Variants in ITPR1 observed in about 807,000 individuals in gnomAD.
The protein encoded by ITPR1 is inositol 1,4,5-trisphosphate-gated calcium channel ITPR1.
In ITPR1, 96 loss-of-function variants were observed where a neutral mutation model predicts 318.4. The observed-to-expected ratio is 0.30, with a 90% CI of 0.26 to 0.36. The LOEUF (loss-of-function observed/expected upper bound fraction) is 0.36, where lower values mean the gene tolerates loss of function less well. Among genes scored for constraint, ITPR1 ranks in the 10% least tolerant of loss-of-function variants. The pLI is 1.00. For synonymous variants in ITPR1, 1,312 were observed against 1,289.9 expected (o/e 1.02, Z -0.37); for missense variants, 2,440 against 3,460.2 (o/e 0.71, Z 7.40).
At chr3:4,641,821 A>C (rs2093346058) in intron 6 of ITPR1, among the ~76,000 whole-genome samples, 1 of 152,240 alleles carries the variant, frequency 6.6e-6, no homozygotes. Flanking sequence ...TTATGATGGC[A>C]CAGTTGACCT....
chr3:4,814,207 C>T (rs1028098728), intron 57 of ITPR1: 23 of 570,806 alleles, frequency 4.0e-5, no homozygotes, highest in Non-Finnish European at 6.3e-5. Flanking sequence ...AGCAATACTA[C>T]CATAGCTGGA....
At chr3:4,502,861 C>T (rs1002070668) in intron 2 of ITPR1, among the ~76,000 whole-genome samples, 3 of 151,960 alleles carry the variant, frequency 2.0e-5, no homozygotes, top group African/African-American at 7.2e-5. Flanking sequence ...GTGGGTGGGT[C>T]ACCTGAGGTC....
intron 4 of ITPR1, among the ~76,000 whole-genome samples, chr3:4,591,355 G>A (rs2090383457): frequency 1.3e-5 from 2 of 152,164 alleles, no homozygotes; most frequent in African/African-American, 2.4e-5. Context: ...CAGTGTGTAA[G>A]GGTTCCCTTT....
chr3:4,593,721 G>A (rs2090575265), intron 4 of ITPR1, among the ~76,000 whole-genome samples: 1 of 152,200 alleles, frequency 6.6e-6, no homozygotes, highest in Non-Finnish European at 1.5e-5. Flanking sequence ...GACATGATCA[G>A]ATAAATGCTA....
At chr3:4,834,049 A>G (rs921984554) in intron 60 of ITPR1, among the ~76,000 whole-genome samples, 3 of 152,030 alleles carry the variant, frequency 2.0e-5, no homozygotes, top group African/African-American at 7.2e-5. Context: ...CCACCACCAC[A>G]CCGAGCTAAT....
At chr3:4,810,266 A>G (rs1376827548) in intron 55 of ITPR1, among the ~76,000 whole-genome samples, 1 of 152,226 alleles carries the variant, frequency 6.6e-6, no homozygotes, top group Non-Finnish European at 1.5e-5. Flanking sequence ...CAGCAGCCAG[A>G]GGCCATGCTA....
chr3:4,559,826 A>G (rs2086496529), intron 4 of ITPR1, among the ~76,000 whole-genome samples: 1 of 152,192 alleles, frequency 6.6e-6, no homozygotes, highest in African/African-American at 2.4e-5. Context: ...CAGCTAGTAA[A>G]TGACAGCCTG....
At chr3:4,795,040 C>T (rs747929991) in intron 52 of ITPR1, 25 bp from the exon 53 acceptor site, 20 of 1,583,280 alleles carry the variant, frequency 1.3e-5, no homozygotes, top group Admixed American at 5.2e-5. Context: ...TCCAGCCTCA[C>T]GCGGCTTTGC....
At chr3:4,585,854 T>C (rs1473209517) in intron 4 of ITPR1, among the ~76,000 whole-genome samples, 2 of 152,210 alleles carry the variant, frequency 1.3e-5, no homozygotes, top group Admixed American at 1.3e-4. Flanking sequence ...CGTGCCATGG[T>C]GGCTTGCTGC....
intron 44 of ITPR1, among the ~76,000 whole-genome samples, chr3:4,754,060 G>GC (rs1559836146): frequency 1.5e-5 from 1 of 68,444 alleles, no homozygotes; most frequent in Admixed American, 1.6e-4. Flanking sequence ...GGGGGGGGGT[G>GC]GCAAGGATTA....
At chr3:4,689,512 G>A (rs1243592932) in intron 31 of ITPR1, among the ~76,000 whole-genome samples, 1 of 152,186 alleles carries the variant, frequency 6.6e-6, no homozygotes, top group African/African-American at 2.4e-5. Flanking sequence ...TTGGATTTAG[G>A]ATGCTCAACC....
intron 4 of ITPR1, among the ~76,000 whole-genome samples, chr3:4,565,136 A>G (rs2087095649): frequency 6.6e-6 from 1 of 152,130 alleles, no homozygotes. Flanking sequence ...TGAATGTGTC[A>G]CCTTGTTGAT....
intron 2 of ITPR1, among the ~76,000 whole-genome samples, chr3:4,503,715 C>G (rs1016286336): frequency 1.3e-5 from 2 of 152,174 alleles, no homozygotes; most frequent in African/African-American, 2.4e-5. Context: ...ACGGAGACCT[C>G]TCTGCCCTAG....
chr3:4,668,934 T>G (rs762049278), intron 18 of ITPR1, among the ~76,000 whole-genome samples: 4 of 152,238 alleles, frequency 2.6e-5, no homozygotes, highest in Non-Finnish European at 5.9e-5. Flanking sequence ...TCGTACACCC[T>G]CTCCCCATTT....
intron 10 of ITPR1, among the ~76,000 whole-genome samples, chr3:4,650,588 C>T (rs1454894241): frequency 7.0e-6 from 1 of 142,604 alleles, no homozygotes; most frequent in East Asian, 2.1e-4. Flanking sequence ...TTACATTAAT[C>T]TGATTATGAT....
chr3:4,668,457 C>G (rs572642911), intron 18 of ITPR1, among the ~76,000 whole-genome samples: 1 of 151,916 alleles, frequency 6.6e-6, no homozygotes, highest in Non-Finnish European at 1.5e-5. Context: ...GGATCTCACT[C>G]TTTTCATTCC....
intron 44 of ITPR1, among the ~76,000 whole-genome samples, chr3:4,766,163 G>C (rs1247585437): frequency 6.6e-6 from 1 of 152,200 alleles, no homozygotes; most frequent in Non-Finnish European, 1.5e-5. Context: ...CAAATGATTG[G>C]CCCTGCAGTA....
In ITPR1 at chr3:4,711,744, T is replaced by TC. The variant is rs546612625; in HGVS notation, c.4992-7dup. 4.9e-6 allele frequency: 7 copies of TC among 1,417,606 alleles called. No individual in the cohort carries two copies. Among genetic ancestry groups the TC allele is most frequent in the South Asian group, 2.5e-5 (2 of 80,746 alleles). The allele number at this position is 1,417,606 out of a possible 1,614,324, so 87.8% of individuals were successfully genotyped here. Reference sequence around the variant, plus strand: ...GCTTCAAGGAAGTAATCCGTGGTTTTCCCCCCATTCAGGTTAATAAAGCAT... The same window carrying TC: ...GCTTCAAGGAAGTAATCCGTGGTTTTCCCCCCCATTCAGGTTAATAAAGCAT... On this transcript the variant is annotated splice_polypyrimidine_tract_variant and intron_variant, in intron 38 of 61. Coordinates refer to ENST00000649015, the MANE Select transcript of ITPR1 (RefSeq NM_001378452.1).
chr3:4,639,262 C>A, intron 5 of ITPR1, 122 bp from the exon 6 acceptor site: 1 of 732,758 alleles, frequency 1.4e-6, no homozygotes, highest in Non-Finnish European at 2.4e-6. Context: ...CAGGGTGTGT[C>A]CTCAGGGATT....
Sources: gnomAD v4.1 joint callset for allele counts (sites outside exome capture counted in the v4.1 genomes callset) on GRCh38, gnomAD v4.1.1 for gene constraint, MANE v1.5 for transcripts, NCBI Gene and HGNC (gene_info 2026-07-23, HGNC 2026-07-21) for gene names.